MGA: variants seen among roughly 807,000 people sequenced by gnomAD.
The protein encoded by MGA is MAX dimerization protein MGA.
MGA carries 40 observed loss-of-function variants against 261.1 expected under a neutral mutation model. That is an observed-to-expected ratio of 0.15 (90% CI 0.12 to 0.20). MGA has a LOEUF of 0.20. Ranked by LOEUF, MGA falls within the 10% of genes least tolerant of loss-of-function variation. MGA has a pLI of 1.00. For missense variants in MGA, 3,397 were observed against 3,630.5 expected, an observed-to-expected ratio of 0.94 and a Z score of 1.65; for synonymous variants, 1,302 against 1,290.6, an observed-to-expected ratio of 1.01 and a Z score of -0.19.
chr15:41,668,179 T>C (rs1433903966), intron 1 of MGA, among the ~76,000 whole-genome samples: 1 of 152,034 alleles, frequency 6.6e-6, no homozygotes, highest in Non-Finnish European at 1.5e-5. Flanking sequence ...ATCAAAAAAC[T>C]TTTCTCAGGA....
At chr15:41,698,018 G>T (rs553009302) in intron 3 of MGA, among the ~76,000 whole-genome samples, 2 of 139,124 alleles carry the variant, frequency 1.4e-5, no homozygotes, top group Non-Finnish European at 3.1e-5. Context: ...ACAGGTGCTC[G>T]CCACCATGCC....
At position 41,700,699 on chromosome 15, in the gene MGA, T is replaced by G. The variant is rs139600138; in HGVS notation, c.2188+1540T>G. ...TCTACTATGGTTATTAACATCATGATCACTACCAATTTTCCTGTTTTGGGG... is the reference window on the plus strand; with the variant it reads ...TCTACTATGGTTATTAACATCATGAGCACTACCAATTTTCCTGTTTTGGGG... On this transcript the variant is annotated intron_variant, in intron 5 of 23. Transcript: ENST00000219905. 5.0e-3 allele frequency among the ~76,000 whole-genome samples: 769 copies of G among 152,350 alleles called. 3 individuals carry two copies. Among genetic ancestry groups the G allele is most frequent in the Admixed American group, 7.6e-3 (117 of 15,306 alleles).
At chr15:41,762,626 C>G (rs2063546938) in intron 22 of MGA, among the ~76,000 whole-genome samples, 1 of 151,686 alleles carries the variant, frequency 6.6e-6, no homozygotes, top group Non-Finnish European at 1.5e-5. Flanking sequence ...ACCACCATGC[C>G]CAATTTGTTT....
chr15:41,752,839 A>G (rs1193851375), intron 17 of MGA, among the ~76,000 whole-genome samples: 1 of 152,154 alleles, frequency 6.6e-6, no homozygotes, highest in African/African-American at 2.4e-5. Flanking sequence ...GATTACAGGC[A>G]TGAGCAACTG....
intron 14 of MGA, among the ~76,000 whole-genome samples, chr15:41,741,076 C>T (rs2062063248): frequency 1.3e-5 from 2 of 152,058 alleles, no homozygotes; most frequent in South Asian, 2.1e-4. Flanking sequence ...TGGCCGGGCG[C>T]GGTGGCTCAC....
intron 18 of MGA, among the ~76,000 whole-genome samples, chr15:41,756,096 T>G (rs1025941455): frequency 1.3e-5 from 2 of 152,106 alleles, no homozygotes; most frequent in East Asian, 3.8e-4. Flanking sequence ...TTAAAAGAAT[T>G]GAAAAATTCT....
intron 2 of MGA, among the ~76,000 whole-genome samples, chr15:41,677,523 A>G (rs367901198): frequency 1.2e-4 from 18 of 152,198 alleles, no homozygotes; most frequent in Admixed American, 1.2e-3. Flanking sequence ...AGGAACCGCA[A>G]TACTGTTTTC....
chr15:41,679,883 G>T (rs1462036943), intron 2 of MGA, among the ~76,000 whole-genome samples: 1 of 152,086 alleles, frequency 6.6e-6, no homozygotes, highest in African/African-American at 2.4e-5. Flanking sequence ...CTCTAAATAG[G>T]ACTTTCAGTA....
At chr15:41,623,374 A>T (rs940667590) in intron 1 of MGA, among the ~76,000 whole-genome samples, 1 of 152,220 alleles carries the variant, frequency 6.6e-6, no homozygotes, top group Non-Finnish European at 1.5e-5. Flanking sequence ...GGTATTTTAT[A>T]TGAGTAGGGA....
rs143075460 is a variant in MGA at position 41,764,954 on chromosome 15, C to T, written c.7813C>T (p.Leu2605Phe). ...TGTGATGACTCCGCAAGGGCAATTG[C>T]TCACCCTAAAAGGTCCCCTATTCTC... Residue 2605 changes from leucine to phenylalanine, a missense_variant, in exon 23 of 24, where the codon CTC (leucine) becomes TTC (phenylalanine). Transcript: ENST00000219905. 1.2e-4 allele frequency: 198 copies of T among 1,614,060 alleles called. No homozygotes were observed. The highest frequency in any genetic ancestry group is 1.6e-4 in the Non-Finnish European group (191 of 1,179,896).
chr15:41,725,471 A>C (rs902913590), intron 9 of MGA, among the ~76,000 whole-genome samples: 5 of 152,164 alleles, frequency 3.3e-5, no homozygotes, highest in African/African-American at 1.2e-4. Flanking sequence ...CACTTTAGCC[A>C]GGAGGCTACA....
At chr15:41,741,002 C>T (rs1198774129) in intron 14 of MGA, among the ~76,000 whole-genome samples, 2 of 152,090 alleles carry the variant, frequency 1.3e-5, no homozygotes, top group African/African-American at 4.8e-5. Context: ...GTTGAAATCT[C>T]TGGCTGAATG....
chr15:41,715,303 C>T (rs2060576843), intron 9 of MGA, among the ~76,000 whole-genome samples: 1 of 151,840 alleles, frequency 6.6e-6, no homozygotes, highest in South Asian at 2.1e-4. Context: ...GCATGCACCA[C>T]CACACCTGGC....
chr15:41,705,677 A>C (rs2060070392), intron 5 of MGA, among the ~76,000 whole-genome samples: 2 of 152,158 alleles, frequency 1.3e-5, no homozygotes, highest in African/African-American at 4.8e-5. Flanking sequence ...AATGTCTTTT[A>C]TCTCTCTGAG....
intron 1 of MGA, among the ~76,000 whole-genome samples, chr15:41,662,253 C>T (rs1020936670): frequency 6.6e-6 from 1 of 152,136 alleles, no homozygotes; most frequent in Non-Finnish European, 1.5e-5. Context: ...TGACTACTGC[C>T]AGTTTCTGCC....
intron 11 of MGA, among the ~76,000 whole-genome samples, chr15:41,730,794 A>C (rs1466824450): frequency 1.3e-5 from 2 of 152,188 alleles, no homozygotes; most frequent in African/African-American, 4.8e-5. Flanking sequence ...ATAATATTCA[A>C]AGTAAATCCC....
intron 1 of MGA, among the ~76,000 whole-genome samples, chr15:41,666,365 G>A (rs951321923): frequency 6.6e-5 from 10 of 152,102 alleles, no homozygotes; most frequent in Admixed American, 4.6e-4. Context: ...ATATGTACAT[G>A]TTCTTTTTCA....
chr15:41,765,436 T>G (rs1398084593), intron 23 of MGA, among the ~76,000 whole-genome samples: 24 of 152,268 alleles, frequency 1.6e-4, no homozygotes, highest in Non-Finnish European at 2.8e-4. Flanking sequence ...CCATTCACTT[T>G]GAGCACTACT....
intron 9 of MGA, among the ~76,000 whole-genome samples, chr15:41,719,170 T>G (rs1021323277): frequency 5.3e-5 from 8 of 152,056 alleles, no homozygotes; most frequent in Non-Finnish European, 8.8e-5. Context: ...AAGAGACACT[T>G]AAGGATAACT....
Sources: gnomAD v4.1 joint callset for allele counts (sites outside exome capture counted in the v4.1 genomes callset) on GRCh38, gnomAD v4.1.1 for gene constraint, MANE v1.5 for transcripts, NCBI Gene and HGNC (gene_info 2026-07-23, HGNC 2026-07-21) for gene names.